CNTNAP3B: variants seen among roughly 807,000 people sequenced by gnomAD.
CNTNAP3B encodes the protein contactin-associated protein-like 3B.
In CNTNAP3B, 25 loss-of-function variants were observed where a neutral mutation model predicts 108.9. That is an observed-to-expected ratio of 0.23 (90% CI 0.17 to 0.32). The LOEUF (loss-of-function observed/expected upper bound fraction) is 0.32. CNTNAP3B is among the 10% of genes least tolerant of loss of function. The probability of loss-of-function intolerance (pLI) is 1.00; values close to 1 mark genes in which losing one functional copy is unlikely to be tolerated. For missense variants in CNTNAP3B, 252 were observed against 1,210.4 expected (o/e 0.21, Z 11.75); for synonymous variants, 103 against 473.4 (o/e 0.22, Z 10.16).
At chr9:42,041,941 A>G (rs1213154787) in intron 3 of CNTNAP3B, among the ~76,000 whole-genome samples, 2 of 138,482 alleles carry the variant, frequency 1.4e-5, no homozygotes, top group African/African-American at 5.7e-5. Flanking sequence ...TTGTAGGGAC[A>G]TGGATGAAGC....
intron 2 of CNTNAP3B, among the ~76,000 whole-genome samples, chr9:42,094,197 C>T (rs12000702): frequency 0.016 from 2,172 of 138,926 alleles, 499 homozygotes; most frequent in African/African-American, 0.06. Flanking sequence ...ATGATAAATG[C>T]TGAGAGCTTT....
chr9:42,071,551 A>G (rs989160574), intron 3 of CNTNAP3B, among the ~76,000 whole-genome samples: 5 of 139,096 alleles, frequency 3.6e-5, no homozygotes, highest in East Asian at 2.1e-4. Flanking sequence ...GGTGCATAAA[A>G]TATGTGGCAA....
At chr9:42,078,398 T>A (rs1385122228) in intron 2 of CNTNAP3B, among the ~76,000 whole-genome samples, 1 of 138,776 alleles carries the variant, frequency 7.2e-6, no homozygotes, top group African/African-American at 2.8e-5. Flanking sequence ...AGTGAATCTT[T>A]GTTCAAAAAT....
At position 42,080,374 on chromosome 9, in the gene CNTNAP3B, G is replaced by C. The variant is rs1174273629; in HGVS notation, c.197-3312C>G. ...TGGCATTACCAAAGAATTTCATCAGGATGTTGTAGACTCATGGTTACAATC... is the reference window on the plus strand; with the variant it reads ...TGGCATTACCAAAGAATTTCATCAGCATGTTGTAGACTCATGGTTACAATC... On this transcript the variant is annotated intron_variant, in intron 2 of 23. Transcript: ENST00000377561. Among the ~76,000 whole-genome samples the C allele has an allele frequency of 1.4e-5, 2 of 139,550 alleles. 1 individual carries two copies. Among genetic ancestry groups the C allele is most frequent in the Non-Finnish European group, 3.1e-5 (2 of 65,044 alleles). 91.6% of individuals were successfully genotyped at this position (139,550 alleles called of 152,430 possible). A position where few individuals can be genotyped will look rare whatever the true frequency, so the allele number is the denominator to read the frequency against.
chr9:41,926,357 A>G (rs1312245375), intron 15 of CNTNAP3B, among the ~76,000 whole-genome samples: 4 of 152,294 alleles, frequency 2.6e-5, no homozygotes, highest in Non-Finnish European at 5.9e-5. Flanking sequence ...GTGTTATGTT[A>G]AAGAAAACAG....
At chr9:42,109,871 G>C in intron 1 of CNTNAP3B, among the ~76,000 whole-genome samples, 1 of 136,186 alleles carries the variant, frequency 7.3e-6, no homozygotes, top group Non-Finnish European at 1.6e-5. Flanking sequence ...CCTTGTAAGA[G>C]AGATAAAGGT....
At chr9:41,966,284 C>T (rs1336162245) in intron 10 of CNTNAP3B, among the ~76,000 whole-genome samples, 1 of 152,300 alleles carries the variant, frequency 6.6e-6, no homozygotes, top group African/African-American at 2.4e-5. Context: ...AAAACCACTG[C>T]TGTTTGATAT....
rs1826792295 is a variant in CNTNAP3B, at chr9:42,042,916, T to G, written c.391-29391A>C. ...AGAAACTAATTTCTGAAATGAAATTTTTTTAACTAATTGACTTTTTGCTAG... is the reference window on the plus strand; with the variant it reads ...AGAAACTAATTTCTGAAATGAAATTGTTTTAACTAATTGACTTTTTGCTAG... On this transcript the variant is annotated intron_variant, in intron 3 of 23. Coordinates refer to ENST00000377561, the MANE Select transcript of CNTNAP3B (RefSeq NM_001201380.3). Among the ~76,000 whole-genome samples the G allele has an allele frequency of 2.7e-5, 4 of 145,966 alleles. No homozygotes were observed. The South Asian group carries it at 8.8e-4, about 32-fold the overall frequency.
chr9:41,939,943 G>A (rs1824282921), intron 13 of CNTNAP3B, among the ~76,000 whole-genome samples: 1 of 151,974 alleles, frequency 6.6e-6, no homozygotes, highest in African/African-American at 2.4e-5. Context: ...AGGAAGCTTA[G>A]GACCCCAGGA....
rs531725142 is a variant in CNTNAP3B at position 42,112,298 on chromosome 9, C to T, written c.86-7559G>A. 3.1e-4 allele frequency among the ~76,000 whole-genome samples: 43 copies of T among 139,744 alleles called. 8 individuals carry two copies. The highest frequency in any genetic ancestry group is 9.9e-4 in the African/African-American group (35 of 35,278). 91.7% of individuals were successfully genotyped at this position (139,744 alleles called of 152,430 possible). A position where few individuals can be genotyped will look rare whatever the true frequency, so the allele number is the denominator to read the frequency against. ...TGTGAAGGCCCCAGTAAGGCTTACT[C>T]TTCTGAAATACTGAGGTCTGTCTCA... On this transcript the variant is annotated intron_variant, in intron 1 of 23. Transcript: ENST00000377561.
intron 3 of CNTNAP3B, among the ~76,000 whole-genome samples, chr9:42,019,616 C>T (rs1184640269): frequency 6.7e-6 from 1 of 148,268 alleles, no homozygotes; most frequent in Non-Finnish European, 1.5e-5. Context: ...AAAAAATTAC[C>T]CTAGCATGGT....
chr9:42,036,333 G>A (rs1438158580), intron 3 of CNTNAP3B, among the ~76,000 whole-genome samples: 1 of 140,852 alleles, frequency 7.1e-6, no homozygotes, highest in African/African-American at 2.8e-5. Flanking sequence ...AATGCACTTT[G>A]AGTTCTTTAA....
Position 42,107,835 on chromosome 9 carries a change from C to A in CNTNAP3B, c.86-3096G>T, listed in dbSNP as rs1367967877. The stretch of plus-strand genomic sequence containing the variant: ...CTAAAAATACAAAAAATTAGCTGGG[C>A]ATGGTGGCACGTGCCCATAGTCCCA... On this transcript the variant is annotated intron_variant, in intron 1 of 23. Transcript: ENST00000377561. Among the ~76,000 whole-genome samples the A allele has an allele frequency of 3.8e-5, 5 of 131,238 alleles. 1 individual carries two copies. Among genetic ancestry groups the A allele is most frequent in the African/African-American group, 1.5e-4 (5 of 32,340 alleles). The allele number at this position is 131,238 out of a possible 152,430, so 86.1% of individuals were successfully genotyped here. A position where few individuals can be genotyped will look rare whatever the true frequency, so the allele number is the denominator to read the frequency against.
At chr9:42,085,931 C>T (rs1185867801) in intron 2 of CNTNAP3B, among the ~76,000 whole-genome samples, 2 of 145,184 alleles carry the variant, frequency 1.4e-5, no homozygotes, top group East Asian at 2.0e-4. Flanking sequence ...AATGAATATG[C>T]CACATTGTGG....
At chr9:42,042,956 A>G (rs1378839544) in intron 3 of CNTNAP3B, among the ~76,000 whole-genome samples, 1 of 148,930 alleles carries the variant, frequency 6.7e-6, no homozygotes, top group African/African-American at 2.5e-5. Flanking sequence ...TGAATAGCCC[A>G]AAGAAAATGG....
rs1435329710 is a variant in CNTNAP3B at position 42,034,494 on chromosome 9, G to GA, written c.391-20970dup. Among the ~76,000 whole-genome samples the GA allele has an allele frequency of 4.1e-5, 2 of 48,870 alleles. 1 individual carries two copies. Among genetic ancestry groups the GA allele is most frequent in the Non-Finnish European group, 7.9e-5 (2 of 25,352 alleles). 32.1% of individuals were successfully genotyped at this position (48,870 alleles called of 152,430 possible). A position where few individuals can be genotyped will look rare whatever the true frequency, so the allele number is the denominator to read the frequency against. On this transcript the variant is annotated intron_variant, in intron 3 of 23. Transcript: ENST00000377561. ...AGTCTCCACTGCCCTTGGTTTACAA[G>GA]ACCCCCAAAACTCCGAGCACTCCCT...
At chr9:41,940,220 G>T (rs1213516153) in intron 13 of CNTNAP3B, among the ~76,000 whole-genome samples, 1 of 152,304 alleles carries the variant, frequency 6.6e-6, no homozygotes, top group African/African-American at 2.4e-5. Context: ...CACATGTGGT[G>T]AAAGATACAA....
At chr9:41,998,097 CAT>C (rs1215197454) in intron 5 of CNTNAP3B, among the ~76,000 whole-genome samples, 1 of 87,150 alleles carries the variant, frequency 1.1e-5, no homozygotes, top group African/African-American at 5.0e-5. Context: ...ATTATACACA[CAT>C]ATGGTGATCT....
At chr9:41,983,109 G>C (rs1402234253) in intron 9 of CNTNAP3B, among the ~76,000 whole-genome samples, 1 of 132,230 alleles carries the variant, frequency 7.6e-6, no homozygotes, top group East Asian at 2.3e-4. Context: ...TTACCTGGGT[G>C]ATGGAATAAT....
Sources: gnomAD v4.1 joint callset for allele counts (sites outside exome capture counted in the v4.1 genomes callset) on GRCh38, gnomAD v4.1.1 for gene constraint, MANE v1.5 for transcripts, NCBI Gene and HGNC (gene_info 2026-07-23, HGNC 2026-07-21) for gene names.